Variants in LDB2 observed in about 807,000 individuals in gnomAD.
LDB2 encodes the protein LIM domain-binding protein 2.
A neutral mutation model predicts 44.3 loss-of-function variants in LDB2; 12 were observed. The observed-to-expected ratio is 0.27, with a 90% CI of 0.17 to 0.44. The LOEUF (loss-of-function observed/expected upper bound fraction) is 0.44. LDB2 is among the 20% of genes least tolerant of loss of function. The probability of loss-of-function intolerance (pLI) is 1.00; values close to 1 mark genes in which losing one functional copy is unlikely to be tolerated. For missense variants in LDB2, 344 were observed against 473.5 expected (o/e 0.73, Z 2.54); for synonymous variants, 164 against 174.8 (o/e 0.94, Z 0.49).
At position 16,502,126 on chromosome 4, in the gene LDB2, A is replaced by C. The variant is rs1444350422; in HGVS notation, c.*517T>G. ...AGAAAACATAAAGAAAAAAAAAATA[A>C]GGTACATTTAAATTACTTTCCAAAG... is the stretch of plus-strand genomic sequence containing the variant. On this transcript the variant is annotated 3_prime_UTR_variant, in exon 8 of 8. Transcript: ENST00000304523. 9.1e-5 allele frequency: 14 copies of C among 153,654 alleles called. No homozygotes were observed. Among genetic ancestry groups the C allele is most frequent in the Admixed American group, 9.0e-4 (14 of 15,492 alleles). The allele number at this position is 153,654 out of a possible 1,614,324, so 9.5% of individuals were successfully genotyped here.
chr4:16,630,118 C>T (rs1731482986), intron 2 of LDB2, among the ~76,000 whole-genome samples: 1 of 152,054 alleles, frequency 6.6e-6, no homozygotes, highest in Non-Finnish European at 1.5e-5. Context: ...AGAAGAGAAA[C>T]CCCAAAACAC....
chr4:16,885,186 A>G (rs1721309744), intron 1 of LDB2, among the ~76,000 whole-genome samples: 1 of 149,292 alleles, frequency 6.7e-6, no homozygotes. Context: ...AACTTTTTTA[A>G]TTAGTCAAAT....
rs569481174 is a variant in LDB2, at chr4:16,874,606, G to A, written c.132+23748C>T. 1.2e-4 allele frequency among the ~76,000 whole-genome samples: 19 copies of A among 152,272 alleles called. No homozygotes were observed. The East Asian group carries it at 1.7e-3, about 14-fold the overall frequency. ...GGAGAGTGCGCATCCAACAAGATTC[G>A]CTACATTCCTGAAAATCAAATTCAA... On this transcript the variant is annotated intron_variant, in intron 1 of 7. Coordinates refer to ENST00000304523, the MANE Select transcript of LDB2 (RefSeq NM_001290.5).
At chr4:16,632,510 G>T (rs187835351) in intron 2 of LDB2, among the ~76,000 whole-genome samples, 6 of 152,272 alleles carry the variant, frequency 3.9e-5, no homozygotes, top group African/African-American at 1.4e-4. Flanking sequence ...CATTCCTTTT[G>T]AAAACCAGCA....
Position 16,588,730 on chromosome 4 carries a change from T to C in LDB2, c.511A>G (p.Arg171Gly). ...CTTACATGCATGGCTAGGATGCTTC[T>C]CGGGACTAACTCTCGGTATTGTCTA... ...TIRQYRELVP[R>G]SILAMHAQDP... Residue 171 changes from arginine (R) to glycine (G), a missense_variant, in exon 4 of 8, where the codon AGA becomes GGA. Coordinates refer to ENST00000304523, the MANE Select transcript of LDB2 (RefSeq NM_001290.5). 6.2e-7 allele frequency: 1 copy of C among 1,613,962 alleles called. No individual in the cohort carries two copies. Among genetic ancestry groups the C allele is most frequent in the Non-Finnish European group, 8.5e-7 (1 of 1,179,898 alleles).
chr4:16,648,436 C>A (rs968808642), intron 2 of LDB2, among the ~76,000 whole-genome samples: 1 of 152,222 alleles, frequency 6.6e-6, no homozygotes, highest in Non-Finnish European at 1.5e-5. Flanking sequence ...ATTGTGTATA[C>A]ATTTTCATCC....
chr4:16,597,439 C>A (rs1298759689), intron 2 of LDB2, among the ~76,000 whole-genome samples: 1 of 152,130 alleles, frequency 6.6e-6, no homozygotes. Flanking sequence ...TTTGAGTCCA[C>A]CATGTCCTTT....
chr4:16,636,816 T>C (rs1733736953), intron 2 of LDB2, among the ~76,000 whole-genome samples: 1 of 152,138 alleles, frequency 6.6e-6, no homozygotes, highest in Non-Finnish European at 1.5e-5. Flanking sequence ...AGCAGCTGGG[T>C]GTCAAAGCAG....
chr4:16,665,530 G>T (rs1378817786), intron 2 of LDB2, among the ~76,000 whole-genome samples: 4 of 152,100 alleles, frequency 2.6e-5, no homozygotes, highest in Admixed American at 6.5e-5. Context: ...CTCCCAAAGT[G>T]CTGGGATTAC....
At chr4:16,893,034 A>C (rs868783575) in intron 1 of LDB2, 1 of 906,018 alleles carries the variant, frequency 1.1e-6, no homozygotes, top group African/African-American at 1.8e-5. Flanking sequence ...GGGAAAAAAA[A>C]GACTTCAAGA....
chr4:16,816,597 G>T (rs1780970332), intron 1 of LDB2, among the ~76,000 whole-genome samples: 1 of 151,706 alleles, frequency 6.6e-6, no homozygotes, highest in South Asian at 2.1e-4. Flanking sequence ...TTTTAGTAGA[G>T]ACAGGGTTTC....
At chr4:16,552,864 A>C (rs1450857638) in intron 5 of LDB2, among the ~76,000 whole-genome samples, 1 of 152,236 alleles carries the variant, frequency 6.6e-6, no homozygotes, top group Non-Finnish European at 1.5e-5. Context: ...TTCGTCAGTC[A>C]GAGAAGGGAC....
At chr4:16,554,478 A>G (rs1738812837) in intron 5 of LDB2, among the ~76,000 whole-genome samples, 1 of 152,140 alleles carries the variant, frequency 6.6e-6, no homozygotes, top group African/African-American at 2.4e-5. Context: ...AAACTTTCCC[A>G]TGAAGCCGGA....
chr4:16,544,135 AAGC>A (rs1255415888), intron 5 of LDB2, among the ~76,000 whole-genome samples: 1 of 152,208 alleles, frequency 6.6e-6, no homozygotes, highest in African/African-American at 2.4e-5. Flanking sequence ...AGAGGATCAT[AAGC>A]AGTGTCATGC....
At chr4:16,829,203 T>C (rs1430142975) in intron 1 of LDB2, among the ~76,000 whole-genome samples, 1 of 152,162 alleles carries the variant, frequency 6.6e-6, no homozygotes, top group Non-Finnish European at 1.5e-5. Flanking sequence ...CCAGTGAACA[T>C]GCTCACTGGC....
intron 2 of LDB2, among the ~76,000 whole-genome samples, chr4:16,746,340 A>G (rs1352336247): frequency 6.6e-6 from 1 of 152,244 alleles, no homozygotes; most frequent in African/African-American, 2.4e-5. Flanking sequence ...GGCAAATTAT[A>G]ATATCACAGC....
intron 1 of LDB2, among the ~76,000 whole-genome samples, chr4:16,793,023 T>G (rs1776074863): frequency 6.6e-6 from 1 of 152,092 alleles, no homozygotes; most frequent in African/African-American, 2.4e-5. Flanking sequence ...CCCCCTTGGT[T>G]GGAGTATATT....
chr4:16,786,897 A>G (rs522225), intron 1 of LDB2, among the ~76,000 whole-genome samples: 121,826 of 151,622 alleles, frequency 0.8, 50,427 homozygotes, highest in Middle Eastern at 0.93. Flanking sequence ...TGTGAACCCT[A>G]CCACCGGTGG....
intron 1 of LDB2, among the ~76,000 whole-genome samples, chr4:16,779,479 A>G (rs1321453793): frequency 1.3e-5 from 2 of 152,208 alleles, no homozygotes; most frequent in Non-Finnish European, 2.9e-5. Context: ...CTCTGCTGTT[A>G]GCCCCACCTG....
Sources: allele counts gnomAD v4.1 joint callset (sites outside exome capture counted in the v4.1 genomes callset), GRCh38; gene constraint gnomAD v4.1.1; transcripts MANE v1.5; gene names NCBI Gene and HGNC (gene_info 2026-07-23, HGNC 2026-07-21).